Variants in STK32B observed in about 807,000 individuals in gnomAD.
STK32B encodes serine/threonine-protein kinase 32B.
Under a neutral mutation model 52.6 loss-of-function variants are expected in STK32B, and 43 were observed. The observed-to-expected ratio is 0.82, with a 90% CI of 0.64 to 1.05. The LOEUF (loss-of-function observed/expected upper bound fraction) is 1.05. STK32B is among the 50% of genes least tolerant of loss of function. The pLI, the probability that STK32B is intolerant of heterozygous loss-of-function variation, is 0.00. For synonymous variants in STK32B, 238 were observed against 204.3 expected (o/e 1.17, Z -1.41); for missense variants, 621 against 534.6 (o/e 1.16, Z -1.59).
intron 4 of STK32B, among the ~76,000 whole-genome samples, chr4:5,358,372 G>T (rs967549481): frequency 3.9e-5 from 6 of 152,182 alleles, no homozygotes; most frequent in Non-Finnish European, 8.8e-5. Flanking sequence ...GATGAATGTG[G>T]CATCAGTAAA....
chr4:5,496,238 C>T lies in STK32B; in HGVS notation c.1107-2707C>T, dbSNP rs574929914. Reference sequence around the variant, plus strand: ...AGCTGTGGTGGGCTCCATCCAGTTCCAGCTTCCAGGCCACTTTGTTTACCT... The same window carrying T: ...AGCTGTGGTGGGCTCCATCCAGTTCTAGCTTCCAGGCCACTTTGTTTACCT... On this transcript the variant is annotated intron_variant, in intron 11 of 11. Coordinates refer to ENST00000282908, the MANE Select transcript of STK32B (RefSeq NM_018401.3). 3.3e-5 allele frequency among the ~76,000 whole-genome samples: 5 copies of T among 152,358 alleles called. No individual in the cohort carries two copies. In the East Asian group the frequency reaches 7.7e-4, roughly 24 times the overall value.
chr4:5,416,635 A>G (rs1010340608), intron 5 of STK32B, among the ~76,000 whole-genome samples: 2 of 152,256 alleles, frequency 1.3e-5, no homozygotes, highest in Non-Finnish European at 2.9e-5. Flanking sequence ...CAATATATTT[A>G]TGTAAAAATA....
At chr4:5,351,979 G>A (rs1733856837) in intron 4 of STK32B, among the ~76,000 whole-genome samples, 1 of 151,984 alleles carries the variant, frequency 6.6e-6, no homozygotes, top group African/African-American at 2.4e-5. Context: ...AAAAAGAAAA[G>A]TCCAGGACCA....
intron 3 of STK32B, among the ~76,000 whole-genome samples, chr4:5,250,591 G>C (rs934293272): frequency 2.0e-4 from 31 of 152,240 alleles, no homozygotes; most frequent in African/African-American, 7.2e-4. Flanking sequence ...AGGATTACAG[G>C]CGTGAGCCAC....
chr4:5,078,838 G>C (rs1018671286), intron 1 of STK32B, among the ~76,000 whole-genome samples: 4 of 152,162 alleles, frequency 2.6e-5, no homozygotes, highest in African/African-American at 9.7e-5. Flanking sequence ...CTTTGAGAAG[G>C]GGGGGCCAGC....
intron 3 of STK32B, among the ~76,000 whole-genome samples, chr4:5,171,051 T>C (rs972010028): frequency 6.6e-6 from 1 of 152,252 alleles, no homozygotes; most frequent in Non-Finnish European, 1.5e-5. Context: ...ATTTCTCTGA[T>C]GACCAGTGAT....
chr4:5,178,434 G>T (rs1468250299), intron 3 of STK32B, among the ~76,000 whole-genome samples: 3 of 152,200 alleles, frequency 2.0e-5, no homozygotes. Flanking sequence ...AGGGGCTGCT[G>T]TGAAGGTCTC....
intron 6 of STK32B, among the ~76,000 whole-genome samples, chr4:5,421,843 A>T (rs1010006816): frequency 2.6e-5 from 4 of 152,164 alleles, no homozygotes; most frequent in Non-Finnish European, 5.9e-5. Flanking sequence ...CTCTTATTTT[A>T]TGTGTGAGGA....
At chr4:5,046,941 C>A (rs1254101584), upstream of STK32B, among the ~76,000 whole-genome samples, 1 of 152,108 alleles carries the variant, frequency 6.6e-6, no homozygotes, top group African/African-American at 2.4e-5. Flanking sequence ...GATTTCTCAA[C>A]GATCTAGAGT....
At chr4:5,405,687 G>A (rs1737613991) in intron 5 of STK32B, among the ~76,000 whole-genome samples, 1 of 152,072 alleles carries the variant, frequency 6.6e-6, no homozygotes, top group Non-Finnish European at 1.5e-5. Flanking sequence ...AGGAGTCAGG[G>A]GAAGTGCTAC....
intron 11 of STK32B, among the ~76,000 whole-genome samples, chr4:5,491,232 C>G (rs1160790502): frequency 6.6e-6 from 1 of 152,162 alleles, no homozygotes; most frequent in African/African-American, 2.4e-5. Flanking sequence ...CTCTCCAGCA[C>G]CTGTTGTTTC....
At chr4:5,228,480 G>C (rs768743638) in intron 3 of STK32B, among the ~76,000 whole-genome samples, 2 of 152,168 alleles carry the variant, frequency 1.3e-5, no homozygotes, top group Non-Finnish European at 2.9e-5. Flanking sequence ...TCCTGAATAT[G>C]CTTCAGTGGC....
At chr4:5,298,612 C>G (rs1302754494) in intron 3 of STK32B, among the ~76,000 whole-genome samples, 1 of 152,132 alleles carries the variant, frequency 6.6e-6, no homozygotes, top group African/African-American at 2.4e-5. Flanking sequence ...ACTCAAGCCT[C>G]AGTAATGGCA....
intron 3 of STK32B, among the ~76,000 whole-genome samples, chr4:5,328,686 C>T (rs571588724): frequency 3.9e-5 from 6 of 152,124 alleles, no homozygotes; most frequent in Non-Finnish European, 8.8e-5. Context: ...GCAAGAATTA[C>T]CAAAATGTGA....
chr4:5,263,360 C>T (rs1440237917), intron 3 of STK32B, among the ~76,000 whole-genome samples: 1 of 152,042 alleles, frequency 6.6e-6, no homozygotes, highest in African/African-American at 2.4e-5. Context: ...CACATTCTGC[C>T]CAGTCTCCTA....
intron 1 of STK32B, among the ~76,000 whole-genome samples, chr4:5,092,398 G>A (rs1369035797): frequency 6.6e-6 from 1 of 152,134 alleles, no homozygotes; most frequent in Non-Finnish European, 1.5e-5. Flanking sequence ...CCAGCGTTGT[G>A]GTGGGCACCT....
chr4:5,056,564 G>A (rs1241934959), intron 1 of STK32B, among the ~76,000 whole-genome samples: 2 of 152,238 alleles, frequency 1.3e-5, no homozygotes, highest in Non-Finnish European at 2.9e-5. Context: ...TTTATTCTCA[G>A]GCGGGCTCTC....
chr4:5,424,740 C>T (rs572277504), intron 6 of STK32B, among the ~76,000 whole-genome samples: 5 of 152,286 alleles, frequency 3.3e-5, no homozygotes, highest in African/African-American at 1.2e-4. Context: ...AACTTGGGAC[C>T]TGCTGAATGG....
chr4:5,046,927 TG>T (rs1485469530), upstream of STK32B, among the ~76,000 whole-genome samples: 1 of 152,250 alleles, frequency 6.6e-6, no homozygotes, highest in East Asian at 1.9e-4. Flanking sequence ...GAAGACAGTA[TG>T]GTGATTTCTC....
Sources: allele counts gnomAD v4.1 joint callset (sites outside exome capture counted in the v4.1 genomes callset), GRCh38; gene constraint gnomAD v4.1.1; transcripts MANE v1.5; gene names NCBI Gene and HGNC (gene_info 2026-07-23, HGNC 2026-07-21).